RIMS4: variants seen among roughly 807,000 people sequenced by gnomAD.
RIMS4 encodes the protein regulating synaptic membrane exocytosis 4, also known as regulating synaptic membrane exocytosis protein 4.
Under a neutral mutation model 29.0 loss-of-function variants are expected in RIMS4, and 9 were observed. The observed-to-expected ratio is 0.31, with a 90% CI of 0.19 to 0.54. RIMS4 has a LOEUF of 0.54. RIMS4 is among the 20% of genes least tolerant of loss of function. RIMS4 has a pLI of 0.94. For synonymous variants in RIMS4, 130 were observed against 152.9 expected (o/e 0.85, Z 1.10); for missense variants, 193 against 365.7 (o/e 0.53, Z 3.85).
chr20:44,768,554 C>T (rs117266731), intron 2 of RIMS4, among the ~76,000 whole-genome samples: 196 of 152,336 alleles, frequency 1.3e-3, no homozygotes, highest in Non-Finnish European at 2.4e-3. Context: ...AGCTCAATGT[C>T]CCCACCCATT....
chr20:44,769,111 C>T (rs547815177), intron 2 of RIMS4, among the ~76,000 whole-genome samples: 2 of 152,188 alleles, frequency 1.3e-5, no homozygotes, highest in African/African-American at 2.4e-5. Context: ...AGGGCAGTCT[C>T]GTTTTTGAGT....
chr20:44,774,634 C>T (rs140227842), intron 1 of RIMS4, among the ~76,000 whole-genome samples: 13 of 152,318 alleles, frequency 8.5e-5, no homozygotes, highest in Non-Finnish European at 1.3e-4. Flanking sequence ...TGTGAATCAA[C>T]ACTCCTTAAT....
intron 1 of RIMS4, among the ~76,000 whole-genome samples, chr20:44,791,411 T>C (rs570097140): frequency 6.6e-6 from 1 of 152,360 alleles, no homozygotes; most frequent in East Asian, 1.9e-4. Flanking sequence ...ACCTAATTTC[T>C]TCATCTGTAA....
chr20:44,785,750 CT>C (rs969567189), intron 1 of RIMS4, among the ~76,000 whole-genome samples: 2,603 of 122,922 alleles, frequency 0.021, 47 homozygotes, highest in African/African-American at 0.067. Context: ...CATAGGTTTT[CT>C]TTTTTTTTTT....
intron 4 of RIMS4, 148 bp from the exon 5 acceptor site, chr20:44,757,185 T>G (rs1601016339): frequency 1.2e-6 from 1 of 836,744 alleles, no homozygotes; most frequent in Non-Finnish European, 1.9e-6. Context: ...ACATGGGGGG[T>G]GGGCATTTGG....
intron 2 of RIMS4, among the ~76,000 whole-genome samples, chr20:44,767,033 T>A (rs942424564): frequency 2.6e-5 from 4 of 152,220 alleles, no homozygotes; most frequent in African/African-American, 7.2e-5. Context: ...GAGTTCCCCA[T>A]CAGGATTGGC....
chr20:44,797,033 A>G (rs1377334133), intron 1 of RIMS4, among the ~76,000 whole-genome samples: 1 of 152,208 alleles, frequency 6.6e-6, no homozygotes, highest in Non-Finnish European at 1.5e-5. Context: ...GCTACCACCC[A>G]TGGCAGGCTG....
chr20:44,774,825 C>G (rs569169972), intron 1 of RIMS4, among the ~76,000 whole-genome samples: 2 of 152,254 alleles, frequency 1.3e-5, no homozygotes, highest in Admixed American at 6.5e-5. Flanking sequence ...CCTCCTCCCC[C>G]ATTTGTCCTC....
intron 4 of RIMS4, 110 bp downstream of exon 4, chr20:44,757,560 G>T: frequency 1.2e-6 from 1 of 821,306 alleles, no homozygotes. Context: ...AGTTGGGACA[G>T]GGGGTCCCCA....
intron 1 of RIMS4, among the ~76,000 whole-genome samples, chr20:44,783,675 G>A (rs1296362152): frequency 1.3e-5 from 2 of 151,990 alleles, no homozygotes; most frequent in Admixed American, 6.6e-5. Context: ...ACCTATACAT[G>A]CTTCAACATA....
intron 1 of RIMS4, among the ~76,000 whole-genome samples, chr20:44,790,562 C>T (rs1012046092): frequency 1.3e-5 from 2 of 152,250 alleles, no homozygotes; most frequent in Admixed American, 1.3e-4. Context: ...TTACCCGCTG[C>T]CACTCCAGGC....
intron 1 of RIMS4, among the ~76,000 whole-genome samples, chr20:44,798,600 TCTG>T (rs1456414731): frequency 6.6e-6 from 1 of 152,228 alleles, no homozygotes; most frequent in Non-Finnish European, 1.5e-5. Context: ...GCCATGAGTA[TCTG>T]CTGGTGCCGG....
intron 1 of RIMS4, among the ~76,000 whole-genome samples, chr20:44,809,656 GGA>G (rs1410595154): frequency 6.6e-6 from 1 of 152,198 alleles, no homozygotes; most frequent in Non-Finnish European, 1.5e-5. Flanking sequence ...CATGAGGGAA[GGA>G]GAGGAGAGAT....
chr20:44,782,350 C>T (rs988801926), intron 1 of RIMS4, among the ~76,000 whole-genome samples: 3 of 152,122 alleles, frequency 2.0e-5, no homozygotes, highest in African/African-American at 4.8e-5. Flanking sequence ...CACTGCAACC[C>T]GTCTCCCAGG....
At chr20:44,785,201 C>CA (rs2066202786) in intron 1 of RIMS4, among the ~76,000 whole-genome samples, 1 of 151,854 alleles carries the variant, frequency 6.6e-6, no homozygotes, top group South Asian at 2.1e-4. Flanking sequence ...TGGGAGCCTG[C>CA]AATCCCTGGA....
chr20:44,757,878 G>GC (rs2066067574), intron 3 of RIMS4, 107 bp from the exon 4 acceptor site: 3 of 1,105,376 alleles, frequency 2.7e-6, no homozygotes, highest in Non-Finnish European at 4.1e-6. Flanking sequence ...CCTGCTCCCA[G>GC]CCCAGAATAA....
At chr20:44,783,437 A>G (rs1243995375) in intron 1 of RIMS4, among the ~76,000 whole-genome samples, 1 of 152,176 alleles carries the variant, frequency 6.6e-6, no homozygotes, top group Non-Finnish European at 1.5e-5. Context: ...ACCCTGACCA[A>G]TATGGTGAAA....
At chr20:44,776,395 C>T (rs1185251397) in intron 1 of RIMS4, among the ~76,000 whole-genome samples, 1 of 152,204 alleles carries the variant, frequency 6.6e-6, no homozygotes, top group African/African-American at 2.4e-5. Flanking sequence ...TACTGCTCTC[C>T]CTCGCAGTCT....
chr20:44,790,212 T>C (rs1489540956), intron 1 of RIMS4, among the ~76,000 whole-genome samples: 1 of 152,230 alleles, frequency 6.6e-6, no homozygotes, highest in African/African-American at 2.4e-5. Context: ...TTGAGAGTCA[T>C]GGACTAGCAA....
Sources: gnomAD v4.1 joint callset for allele counts (sites outside exome capture counted in the v4.1 genomes callset) on GRCh38, gnomAD v4.1.1 for gene constraint, MANE v1.5 for transcripts, NCBI Gene and HGNC (gene_info 2026-07-23, HGNC 2026-07-21) for gene names.